Variants in PLEKHG7 observed in about 807,000 individuals in gnomAD.
PLEKHG7 encodes pleckstrin homology and RhoGEF domain containing G7.
Under a neutral mutation model 85.2 loss-of-function variants are expected in PLEKHG7, and 77 were observed. The ratio of observed to expected loss-of-function variants is 0.90; its 90% CI spans 0.75 to 1.09. PLEKHG7 has a LOEUF of 1.09. Among genes scored for constraint, PLEKHG7 ranks in the 50% least tolerant of loss-of-function variants. The pLI, the probability that PLEKHG7 is intolerant of heterozygous loss-of-function variation, is 0.00. For synonymous variants in PLEKHG7, 301 were observed against 302.4 expected (o/e 1.00, Z 0.05); for missense variants, 777 against 804.3 (o/e 0.97, Z 0.41).
At chr12:92,748,835 G>A (rs1459728342) in intron 10 of PLEKHG7, among the ~76,000 whole-genome samples, 1 of 152,202 alleles carries the variant, frequency 6.6e-6, no homozygotes, top group African/African-American at 2.4e-5. Flanking sequence ...ACAAAGGTGA[G>A]AGGTCAGGGA....
intron 11 of PLEKHG7, among the ~76,000 whole-genome samples, chr12:92,755,418 C>T (rs1237155435): frequency 1.3e-5 from 2 of 151,944 alleles, no homozygotes; most frequent in African/African-American, 2.4e-5. Context: ...AAATAATCAC[C>T]ATGATCATGA....
intron 11 of PLEKHG7, among the ~76,000 whole-genome samples, chr12:92,754,998 T>A (rs186267281): frequency 6.6e-6 from 1 of 152,218 alleles, no homozygotes. Context: ...TGTTTTTAAA[T>A]TTTTTATTCA....
At chr12:92,726,284 C>T (rs1565789064) in intron 3 of PLEKHG7, among the ~76,000 whole-genome samples, 1 of 152,142 alleles carries the variant, frequency 6.6e-6, no homozygotes, top group Non-Finnish European at 1.5e-5. Flanking sequence ...GATCCAAGCA[C>T]AGCCACTTTG....
At chr12:92,755,486 A>AT (rs140467843) in intron 11 of PLEKHG7, among the ~76,000 whole-genome samples, 22,334 of 150,630 alleles carry the variant, frequency 0.15, 2,021 homozygotes, top group African/African-American at 0.25. Flanking sequence ...TGTTAGTCTG[A>AT]TTTTTTTTTT....
At chr12:92,757,104 A>G (rs1828048703) in intron 13 of PLEKHG7, among the ~76,000 whole-genome samples, 5 of 152,236 alleles carry the variant, frequency 3.3e-5, no homozygotes, top group Admixed American at 1.3e-4. Flanking sequence ...TAGGAAGCCA[A>G]GCCCCTGGGG....
intron 14 of PLEKHG7, among the ~76,000 whole-genome samples, chr12:92,762,122 CAGA>C (rs1158430975): frequency 6.6e-5 from 10 of 152,128 alleles, no homozygotes; most frequent in African/African-American, 2.4e-4. Context: ...AGCTAAGTCC[CAGA>C]AGCCACAGGA....
rs11833636 is a variant in PLEKHG7, at chr12:92,756,432, G to A, written c.1636+41G>A. The A allele has an allele frequency of 3.6e-3, 5,236 of 1,460,978 alleles. 140 individuals are homozygous for A. The African/African-American group carries it at 0.058, about 16-fold the overall frequency. The allele number at this position is 1,460,978 out of a possible 1,614,324, so 90.5% of individuals were successfully genotyped here. ...CTTTAAAAAACCCAACATCTGTGCC[G>A]CCTTGTAACTTGTTTGACTGCCAGT... On this transcript the variant is annotated intron_variant, in intron 13 of 16. Transcript: ENST00000344636.
intron 3 of PLEKHG7, among the ~76,000 whole-genome samples, chr12:92,712,926 G>A (rs1289384064): frequency 2.6e-5 from 4 of 152,110 alleles, no homozygotes; most frequent in African/African-American, 9.7e-5. Flanking sequence ...TGATGTTTTG[G>A]GTTCCCTGGA....
intron 3 of PLEKHG7, among the ~76,000 whole-genome samples, chr12:92,721,189 C>G (rs1341612918): frequency 1.3e-5 from 2 of 152,152 alleles, no homozygotes; most frequent in African/African-American, 2.4e-5. Context: ...TAATATTCAC[C>G]AAGATCAGTC....
chr12:92,754,932 G>T (rs1872785309), intron 11 of PLEKHG7, among the ~76,000 whole-genome samples: 1 of 151,818 alleles, frequency 6.6e-6, no homozygotes, highest in Non-Finnish European at 1.5e-5. Context: ...AAATGATACT[G>T]CCTGAAACAG....
Position 92,721,672 on chromosome 12 carries a change from G to C in PLEKHG7, c.531-7321G>C. ...TCTGGGTTCCAAAGCTTGTCCTGAA[G>C]CAAAGAACCAGAATAGCCAAGCATA... On this transcript the variant is annotated intron_variant, in intron 3 of 16. Coordinates refer to ENST00000344636, the MANE Select transcript of PLEKHG7 (RefSeq NM_001377329.1). 8 of 93,748 alleles carry C rather than the reference G, an allele frequency of 8.5e-5. No individual in the cohort carries two copies. The East Asian group carries it at 1.3e-3, about 15-fold the overall frequency. The allele number at this position is 93,748 out of a possible 1,614,324, so 5.8% of individuals were successfully genotyped here. A position where few individuals can be genotyped will look rare whatever the true frequency, so the allele number is the denominator to read the frequency against.
chr12:92,741,076 G>A (rs957855581), intron 8 of PLEKHG7, 128 bp downstream of exon 8: 3 of 594,974 alleles, frequency 5.0e-6, no homozygotes, highest in Non-Finnish European at 8.5e-6. Context: ...AGGACTTCAG[G>A]TTAATAAGAA....
intron 10 of PLEKHG7, among the ~76,000 whole-genome samples, chr12:92,746,651 T>C (rs1220057666): frequency 1.3e-5 from 2 of 152,244 alleles, no homozygotes; most frequent in Non-Finnish European, 2.9e-5. Context: ...TTCTCTCCCT[T>C]CCAAGCTGGG....
At chr12:92,720,779 G>A (rs1871617120) in intron 3 of PLEKHG7, among the ~76,000 whole-genome samples, 1 of 152,222 alleles carries the variant, frequency 6.6e-6, no homozygotes, top group Admixed American at 6.5e-5. Flanking sequence ...GGGTTAGGAT[G>A]TGGACATATC....
intron 10 of PLEKHG7, among the ~76,000 whole-genome samples, chr12:92,748,723 A>G (rs1293765674): frequency 6.6e-6 from 1 of 152,222 alleles, no homozygotes; most frequent in Non-Finnish European, 1.5e-5. Flanking sequence ...AAAGAACCAT[A>G]GCAAGATTTT....
At chr12:92,713,352 A>C (rs552545137) in intron 3 of PLEKHG7, among the ~76,000 whole-genome samples, 206 of 152,298 alleles carry the variant, frequency 1.4e-3, no homozygotes, top group Non-Finnish European at 2.6e-3. Flanking sequence ...TAGGCTTCCT[A>C]TCAATTTTAA....
At chr12:92,765,317 T>G (rs1166172262) in intron 15 of PLEKHG7, among the ~76,000 whole-genome samples, 1 of 109,080 alleles carries the variant, frequency 9.2e-6, no homozygotes, top group African/African-American at 3.8e-5. Flanking sequence ...TGAGACCCAG[T>G]CTCTTATTAA....
intron 9 of PLEKHG7, among the ~76,000 whole-genome samples, chr12:92,741,967 C>T (rs1209992626): frequency 2.0e-5 from 3 of 152,160 alleles, no homozygotes; most frequent in Non-Finnish European, 4.4e-5. Flanking sequence ...CAGAATAAAC[C>T]TTCAAATCCA....
intron 13 of PLEKHG7, among the ~76,000 whole-genome samples, chr12:92,760,002 A>T (rs1345464615): frequency 6.6e-6 from 1 of 152,178 alleles, no homozygotes; most frequent in African/African-American, 2.4e-5. Context: ...AATCTAGGGA[A>T]CTGCCTTCTT....
Sources: gnomAD v4.1 joint callset for allele counts (sites outside exome capture counted in the v4.1 genomes callset) on GRCh38, gnomAD v4.1.1 for gene constraint, MANE v1.5 for transcripts, NCBI Gene and HGNC (gene_info 2026-07-23, HGNC 2026-07-21) for gene names.